CADM1: variants seen among roughly 807,000 people sequenced by gnomAD.
The protein encoded by CADM1 is cell adhesion molecule 1, also known as TSLC-1.
A neutral mutation model predicts 53.1 loss-of-function variants in CADM1; 15 were observed. The ratio of observed to expected loss-of-function variants is 0.28; its 90% CI spans 0.19 to 0.44. The LOEUF (loss-of-function observed/expected upper bound fraction) is 0.44, where lower values mean the gene tolerates loss of function less well. CADM1 is among the 20% of genes least tolerant of loss of function. CADM1 has a pLI of 1.00. For synonymous variants in CADM1, 281 were observed against 243.0 expected, an observed-to-expected ratio of 1.16 and a Z score of -1.45; for missense variants, 434 against 611.3, an observed-to-expected ratio of 0.71 and a Z score of 3.06.
At chr11:115,346,281 A>G (rs948382486) in intron 1 of CADM1, among the ~76,000 whole-genome samples, 1 of 152,198 alleles carries the variant, frequency 6.6e-6, no homozygotes, top group African/African-American at 2.4e-5. Context: ...ACTGCAAGTG[A>G]ATGTCAAAGT....
Position 115,214,593 on chromosome 11 carries a change from T to C in CADM1, c.994+15A>G. The C allele has an allele frequency of 6.2e-7, 1 of 1,608,112 alleles. No homozygotes were observed. Among genetic ancestry groups the C allele is most frequent in the Non-Finnish European group, 8.5e-7 (1 of 1,174,566 alleles). On this transcript the variant is annotated intron_variant, in intron 7 of 11. Transcript: ENST00000331581. ...GACTGACTCTAGTAGAAGAGCATTT[T>C]ATCTTCTCACGTACCGTATACATAC...
intron 1 of CADM1, among the ~76,000 whole-genome samples, chr11:115,432,814 A>T: frequency 6.6e-6 from 1 of 152,216 alleles, no homozygotes; most frequent in East Asian, 1.9e-4. Flanking sequence ...CTGTCCACAC[A>T]AATTTGTATT....
chr11:115,468,240 C>T (rs887037681), intron 1 of CADM1, among the ~76,000 whole-genome samples: 6 of 151,976 alleles, frequency 3.9e-5, no homozygotes, highest in Admixed American at 1.3e-4. Flanking sequence ...AATCAAGACA[C>T]AGAAAATTAC....
intron 7 of CADM1, 62 bp downstream of exon 7, chr11:115,214,546 A>G: frequency 6.7e-7 from 1 of 1,485,168 alleles, no homozygotes; most frequent in Non-Finnish European, 9.4e-7. Context: ...TTGAGAGTAA[A>G]TCACAAGTAG....
chr11:115,195,405 A>G (rs1186088291), intron 9 of CADM1, among the ~76,000 whole-genome samples: 1 of 152,246 alleles, frequency 6.6e-6, no homozygotes, highest in African/African-American at 2.4e-5. Flanking sequence ...AGCTTTAAAA[A>G]TTTTTATTTT....
At chr11:115,299,573 G>A (rs1944166265) in intron 1 of CADM1, among the ~76,000 whole-genome samples, 1 of 152,136 alleles carries the variant, frequency 6.6e-6, no homozygotes, top group Non-Finnish European at 1.5e-5. Flanking sequence ...CTGTAAATTA[G>A]GAGATATTTA....
In CADM1 at chr11:115,416,734, CAGAT is replaced by C. The variant is rs147388216; in HGVS notation, c.124+87533_124+87536del. On this transcript the variant is annotated intron_variant, in intron 1 of 11. Transcript: ENST00000331581. ...ACACACACACACACACACACACACA[CAGAT>C]AGATATTGTACTCACAGTGTAAAAA... Among the ~76,000 whole-genome samples, 475 of 149,662 alleles carry C rather than the reference CAGAT, an allele frequency of 3.2e-3. 3 individuals are homozygous for C. The highest frequency in any genetic ancestry group is 0.01 in the Middle Eastern group (3 of 292).
chr11:115,277,279 A>C (rs1295757061), intron 1 of CADM1, among the ~76,000 whole-genome samples: 1 of 152,192 alleles, frequency 6.6e-6, no homozygotes, highest in East Asian at 1.9e-4. Flanking sequence ...ACTCGATGAA[A>C]GCCATGGCTT....
At chr11:115,357,481 G>C (rs1166235329) in intron 1 of CADM1, among the ~76,000 whole-genome samples, 1 of 152,126 alleles carries the variant, frequency 6.6e-6, no homozygotes, top group African/African-American at 2.4e-5. Flanking sequence ...ATAAGGAGAT[G>C]CCAAAGGGTC....
chr11:115,355,547 T>C (rs1945844614), intron 1 of CADM1, among the ~76,000 whole-genome samples: 1 of 151,876 alleles, frequency 6.6e-6, no homozygotes, highest in Non-Finnish European at 1.5e-5. Context: ...TGCAATAATA[T>C]TTACAACAAA....
intron 1 of CADM1, among the ~76,000 whole-genome samples, chr11:115,483,359 A>C (rs750306939): frequency 5.3e-5 from 8 of 152,178 alleles, no homozygotes; most frequent in Admixed American, 1.3e-4. Flanking sequence ...CACACACACA[A>C]AAATAACAAT....
intron 1 of CADM1, among the ~76,000 whole-genome samples, chr11:115,327,697 A>G (rs932094409): frequency 3.9e-4 from 59 of 152,206 alleles, no homozygotes; most frequent in African/African-American, 1.4e-3. Flanking sequence ...AGTTCAAAAT[A>G]CGGCACTATC....
In CADM1 at chr11:115,297,100, G is replaced by C. The variant is rs566066995; in HGVS notation, c.125-56680C>G. ...TTCCCCTCCTTGCTATACAGTATTT[G>C]GCTTTGAAGAATAAATTAGCACAAG... On this transcript the variant is annotated intron_variant, in intron 1 of 11. Coordinates refer to ENST00000331581, the MANE Select transcript of CADM1 (RefSeq NM_001301043.2). Among the ~76,000 whole-genome samples the C allele has an allele frequency of 2.0e-5, 3 of 152,256 alleles. No individual in the cohort carries two copies. The South Asian group carries it at 6.2e-4, about 32-fold the overall frequency.
chr11:115,394,996 G>C (rs1455713360), intron 1 of CADM1, among the ~76,000 whole-genome samples: 1 of 152,120 alleles, frequency 6.6e-6, no homozygotes, highest in African/African-American at 2.4e-5. Flanking sequence ...GCATAAAGTA[G>C]GAAGGGGCAC....
intron 10 of CADM1, among the ~76,000 whole-genome samples, chr11:115,181,470 G>A (rs1379347704): frequency 6.6e-6 from 1 of 152,152 alleles, no homozygotes; most frequent in East Asian, 1.9e-4. Context: ...GCTATCTTCT[G>A]ATACCCACTT....
chr11:115,321,655 C>T (rs1944828252), intron 1 of CADM1, among the ~76,000 whole-genome samples: 1 of 152,184 alleles, frequency 6.6e-6, no homozygotes, highest in Non-Finnish European at 1.5e-5. Flanking sequence ...ATCCTAGTTC[C>T]AGTAGCTGCT....
At position 115,200,497 on chromosome 11, in the gene CADM1, C is replaced by A. The variant is rs531953036; in HGVS notation, c.1079-2059G>T. ...TAGCTCTTCTAATGTGCTTTCTTTT[C>A]TTTTCTTTTTTTTTTGAGATGGAGT... On this transcript the variant is annotated intron_variant, in intron 8 of 11. Coordinates refer to ENST00000331581, the MANE Select transcript of CADM1 (RefSeq NM_001301043.2). Among the ~76,000 whole-genome samples, 8 of 152,126 alleles carry A rather than the reference C, an allele frequency of 5.3e-5. No homozygotes were observed. In the South Asian group the frequency reaches 1.2e-3, roughly 24 times the overall value.
intron 1 of CADM1, among the ~76,000 whole-genome samples, chr11:115,411,769 T>C (rs1947465488): frequency 6.6e-6 from 1 of 152,040 alleles, no homozygotes; most frequent in East Asian, 1.9e-4. Context: ...TAATTTCAAA[T>C]ACCCTCACTG....
At chr11:115,209,748 T>C in intron 7 of CADM1, 91 bp from the exon 8 acceptor site, 2 of 1,494,820 alleles carry the variant, frequency 1.3e-6, no homozygotes, top group African/African-American at 2.8e-5. Context: ...GACATTGAGA[T>C]GTTTGTTTGA....
Sources: allele counts gnomAD v4.1 joint callset (sites outside exome capture counted in the v4.1 genomes callset), GRCh38; gene constraint gnomAD v4.1.1; transcripts MANE v1.5; gene names NCBI Gene and HGNC (gene_info 2026-07-23, HGNC 2026-07-21).